Variants in CRYL1 observed in about 807,000 individuals in gnomAD.
CRYL1 encodes the protein crystallin lambda 1.
In CRYL1, 29 loss-of-function variants were observed where a neutral mutation model predicts 36.6. The observed-to-expected ratio is 0.79, with a 90% CI of 0.59 to 1.08. CRYL1 has a LOEUF of 1.08. Among genes scored for constraint, CRYL1 ranks in the 50% least tolerant of loss-of-function variants. CRYL1 has a pLI of 0.00. For synonymous variants in CRYL1, 152 were observed against 151.5 expected (o/e 1.00, Z -0.02); for missense variants, 411 against 407.9 (o/e 1.01, Z -0.06).
chr13:20,495,770 T>C (rs538487569), intron 2 of CRYL1, among the ~76,000 whole-genome samples: 3 of 152,302 alleles, frequency 2.0e-5, no homozygotes, highest in African/African-American at 7.2e-5. Context: ...AAACAAAACA[T>C]GGTTTCACAC....
intron 5 of CRYL1, chr13:20,430,678 T>C: frequency 4.1e-6 from 4 of 985,380 alleles, no homozygotes; most frequent in Non-Finnish European, 4.8e-6. Context: ...CTTCCTTGAG[T>C]GGGCTCACAC....
chr13:20,517,728 A>C (rs548121951), intron 1 of CRYL1, among the ~76,000 whole-genome samples: 4 of 152,108 alleles, frequency 2.6e-5, no homozygotes, highest in Admixed American at 6.5e-5. Flanking sequence ...CGAGGGCAGG[A>C]GATCGAGACC....
chr13:20,500,480 C>G (rs1001021326), intron 2 of CRYL1, among the ~76,000 whole-genome samples: 1 of 152,116 alleles, frequency 6.6e-6, no homozygotes, highest in Non-Finnish European at 1.5e-5. Context: ...GAGGTTCTAG[C>G]AAAGCCAATT....
chr13:20,472,448 G>T (rs894996019), intron 3 of CRYL1, among the ~76,000 whole-genome samples: 33 of 152,144 alleles, frequency 2.2e-4, no homozygotes, highest in African/African-American at 7.7e-4. Context: ...TACAGGCATG[G>T]TCTTCTAAGC....
chr13:20,430,005 C>T lies in CRYL1; in HGVS notation c.633+2097G>A, dbSNP rs114290259. 7.8e-3 allele frequency among the ~76,000 whole-genome samples: 1,185 copies of T among 152,186 alleles called. 18 individuals carry two copies. Among genetic ancestry groups the T allele is most frequent in the African/African-American group, 0.026 (1,073 of 41,538 alleles). Reference sequence around the variant, plus strand: ...CCACGACAAGCCCCCTCCTCCTCCCCGAACTCCTCCATGCTCCCTCTCTGC... The same window carrying T: ...CCACGACAAGCCCCCTCCTCCTCCCTGAACTCCTCCATGCTCCCTCTCTGC... On this transcript the variant is annotated intron_variant, in intron 5 of 7. Transcript: ENST00000298248.
At chr13:20,482,022 C>G (rs1223918302) in intron 3 of CRYL1, among the ~76,000 whole-genome samples, 2 of 152,046 alleles carry the variant, frequency 1.3e-5, no homozygotes, top group African/African-American at 2.4e-5. Context: ...GCTGCCTGAA[C>G]CCCCCACCCC....
At chr13:20,502,478 C>T (rs2033720302) in intron 2 of CRYL1, 1 of 152,364 alleles carries the variant, frequency 6.6e-6, no homozygotes, top group Non-Finnish European at 1.5e-5. Context: ...TGGTGAAACC[C>T]CATCTCTACT....
At chr13:20,490,995 T>C (rs2033500746) in intron 2 of CRYL1, among the ~76,000 whole-genome samples, 2 of 152,184 alleles carry the variant, frequency 1.3e-5, no homozygotes, top group Admixed American at 1.3e-4. Context: ...AGCCTCGACC[T>C]CCCAGGATCA....
intron 5 of CRYL1, among the ~76,000 whole-genome samples, chr13:20,419,484 G>T (rs1457115411): frequency 6.6e-6 from 1 of 152,134 alleles, no homozygotes; most frequent in Non-Finnish European, 1.5e-5. Flanking sequence ...TAGAGACACA[G>T]TTTCTCCATG....
intron 3 of CRYL1, among the ~76,000 whole-genome samples, chr13:20,467,601 C>T (rs1433019291): frequency 2.6e-5 from 4 of 152,148 alleles, no homozygotes; most frequent in Admixed American, 6.5e-5. Context: ...GCAGGCGGAT[C>T]GCCTGAGGTC....
At chr13:20,465,555 G>A (rs563097949) in intron 3 of CRYL1, among the ~76,000 whole-genome samples, 137 of 152,290 alleles carry the variant, frequency 9.0e-4, no homozygotes, top group Non-Finnish European at 1.2e-3. Flanking sequence ...CTGGCTCTTG[G>A]AGAGGACAAT....
intron 1 of CRYL1, among the ~76,000 whole-genome samples, chr13:20,516,807 C>T (rs2034006884): frequency 6.6e-6 from 1 of 152,102 alleles, no homozygotes; most frequent in South Asian, 2.1e-4. Context: ...AGGCCTGGCT[C>T]ACACCTGTAA....
intron 7 of CRYL1, 136 bp from the exon 8 acceptor site, chr13:20,404,378 A>G: frequency 1.5e-6 from 1 of 648,374 alleles, no homozygotes; most frequent in Non-Finnish European, 2.7e-6. Context: ...AATGAACAGC[A>G]GCTTTCCAAA....
chr13:20,492,584 C>G (rs1485865424), intron 2 of CRYL1, among the ~76,000 whole-genome samples: 1 of 152,160 alleles, frequency 6.6e-6, no homozygotes, highest in Non-Finnish European at 1.5e-5. Context: ...AACCCTGCCC[C>G]ACCTGTTTCT....
chr13:20,512,539 C>G lies in CRYL1; in HGVS notation c.53G>C (p.Gly18Ala). The G allele has an allele frequency of 1.2e-6, 2 of 1,612,938 alleles. No homozygotes were observed. Among genetic ancestry groups the G allele is most frequent in the Non-Finnish European group, 1.7e-6 (2 of 1,179,066 alleles). Residue 18 changes from glycine to alanine, a missense_variant, in exon 2 of 8, where the codon GGG becomes GCG. Gly to Ala is a moderately conservative substitution (Grantham distance 60). Transcript: ENST00000298248. ...GGCAAACAGCATGGCCCAGCTTCGC[C>G]CAATGACTCCACTGAAGGGAGATAA... ...CVVIVGSGVI[G>A]RSWAMLFASG...
chr13:20,427,512 T>C (rs1020051630), intron 5 of CRYL1, among the ~76,000 whole-genome samples: 7 of 152,052 alleles, frequency 4.6e-5, no homozygotes. Flanking sequence ...AAAATGCTTG[T>C]CATTCCCAGT....
chr13:20,404,979 G>C (rs765543828), intron 6 of CRYL1, among the ~76,000 whole-genome samples: 5 of 152,120 alleles, frequency 3.3e-5, no homozygotes, highest in Non-Finnish European at 7.4e-5. Flanking sequence ...GCCAAAAAGT[G>C]CTGGTCCTGG....
At chr13:20,430,236 T>G (rs539816411) in intron 5 of CRYL1, 1 of 984,502 alleles carries the variant, frequency 1.0e-6, no homozygotes, top group East Asian at 1.1e-4. Context: ...ATTCTTTGGG[T>G]TTTACTCACA....
At chr13:20,478,696 C>T (rs1485278790) in intron 3 of CRYL1, among the ~76,000 whole-genome samples, 1 of 152,108 alleles carries the variant, frequency 6.6e-6, no homozygotes, top group Non-Finnish European at 1.5e-5. Flanking sequence ...AGGCTGGTCT[C>T]GAACTCCTGA....
Sources: gnomAD v4.1 joint callset for allele counts (sites outside exome capture counted in the v4.1 genomes callset) on GRCh38, gnomAD v4.1.1 for gene constraint, MANE v1.5 for transcripts, NCBI Gene and HGNC (gene_info 2026-07-23, HGNC 2026-07-21) for gene names.